The following SKAP2 variants were observed in gnomAD, a reference collection of about 807,000 sequenced individuals.
SKAP2 encodes the protein src kinase associated phosphoprotein 2, also known as src kinase-associated phosphoprotein 2.
Under a neutral mutation model 54.9 loss-of-function variants are expected in SKAP2, and 28 were observed. The observed-to-expected ratio is 0.51, with a 90% CI of 0.38 to 0.70. The LOEUF is 0.70. Among genes scored for constraint, SKAP2 ranks in the 30% least tolerant of loss-of-function variants. SKAP2 has a pLI of 0.00. For synonymous variants in SKAP2, 137 were observed against 134.3 expected, an observed-to-expected ratio of 1.02 and a Z score of -0.14; for missense variants, 356 against 424.1, an observed-to-expected ratio of 0.84 and a Z score of 1.41.
chr7:26,714,141 G>A (rs1336266485), intron 9 of SKAP2, among the ~76,000 whole-genome samples: 1 of 152,108 alleles, frequency 6.6e-6, no homozygotes, highest in Non-Finnish European at 1.5e-5. Context: ...AGAGACAACA[G>A]GAACAAAGGG....
At chr7:26,677,316 C>T (rs766190143) in intron 11 of SKAP2, among the ~76,000 whole-genome samples, 19 of 150,686 alleles carry the variant, frequency 1.3e-4, no homozygotes, top group East Asian at 3.9e-4. Flanking sequence ...TGCTTGAACC[C>T]GGGAGGCAGA....
intron 4 of SKAP2, among the ~76,000 whole-genome samples, chr7:26,772,824 A>C (rs184628187): frequency 1.4e-4 from 22 of 152,322 alleles, no homozygotes; most frequent in Admixed American, 1.4e-3. Context: ...ATAAAATATC[A>C]CTTTAGAGTT....
At chr7:26,756,793 C>A (rs954837026) in intron 4 of SKAP2, among the ~76,000 whole-genome samples, 1 of 152,208 alleles carries the variant, frequency 6.6e-6, no homozygotes, top group East Asian at 1.9e-4. Flanking sequence ...TACAGTCCCA[C>A]CAACAGTGTA....
At chr7:26,847,934 T>G (rs1236240480) in intron 3 of SKAP2, 1 of 152,188 alleles carries the variant, frequency 6.6e-6, no homozygotes, top group African/African-American at 2.4e-5. Context: ...ATCCCACAAC[T>G]TTCAAAAGTT....
At chr7:26,778,338 T>C (rs1783357645) in intron 4 of SKAP2, among the ~76,000 whole-genome samples, 1 of 152,078 alleles carries the variant, frequency 6.6e-6, no homozygotes, top group Non-Finnish European at 1.5e-5. Context: ...AATCTCAATT[T>C]GATGACTAAA....
At chr7:26,814,070 G>A (rs1482994513) in intron 4 of SKAP2, among the ~76,000 whole-genome samples, 2 of 152,048 alleles carry the variant, frequency 1.3e-5, no homozygotes, top group Non-Finnish European at 2.9e-5. Context: ...ATCAAACGAT[G>A]CTACTCTATA....
intron 4 of SKAP2, among the ~76,000 whole-genome samples, chr7:26,787,852 A>G (rs1256532458): frequency 1.3e-5 from 2 of 152,050 alleles, no homozygotes; most frequent in Non-Finnish European, 2.9e-5. Context: ...AGCGGGGATT[A>G]CATTTCTTTT....
chr7:26,846,692 A>G (rs1468878713), intron 3 of SKAP2, among the ~76,000 whole-genome samples: 4 of 152,150 alleles, frequency 2.6e-5, no homozygotes, highest in Non-Finnish European at 5.9e-5. Context: ...TTTTATTTTA[A>G]AAAATAGACC....
chr7:26,857,908 G>T (rs1785206481), intron 1 of SKAP2: 1 of 172,564 alleles, frequency 5.8e-6, no homozygotes, highest in Admixed American at 6.5e-5. Context: ...AAGAGCGTTA[G>T]CCTTCTTCTA....
At chr7:26,690,689 G>A (rs1406015883) in intron 9 of SKAP2, among the ~76,000 whole-genome samples, 2 of 152,034 alleles carry the variant, frequency 1.3e-5, no homozygotes, top group Admixed American at 1.3e-4. Context: ...TGCATGTTTT[G>A]TTTTAAATAC....
chr7:26,831,987 C>T (rs1343188742), intron 4 of SKAP2, among the ~76,000 whole-genome samples: 2 of 152,086 alleles, frequency 1.3e-5, no homozygotes, highest in East Asian at 3.9e-4. Context: ...TCCCTCATTC[C>T]CTTAACTTAT....
At chr7:26,819,860 A>G (rs1389112817) in intron 4 of SKAP2, among the ~76,000 whole-genome samples, 1 of 152,218 alleles carries the variant, frequency 6.6e-6, no homozygotes, top group Non-Finnish European at 1.5e-5. Flanking sequence ...AAAATAATCT[A>G]GAAGGAGCAA....
At chr7:26,731,120 C>G (rs1008727557) in intron 6 of SKAP2, among the ~76,000 whole-genome samples, 4 of 152,174 alleles carry the variant, frequency 2.6e-5, no homozygotes, top group African/African-American at 9.7e-5. Flanking sequence ...ACACTGTTTT[C>G]TAAAAAGGTG....
At chr7:26,852,479 A>G (rs1785064671) in intron 3 of SKAP2, among the ~76,000 whole-genome samples, 1 of 152,196 alleles carries the variant, frequency 6.6e-6, no homozygotes, top group Admixed American at 6.5e-5. Context: ...GTGATTAGTT[A>G]ACTCAATACA....
chr7:26,830,938 G>T (rs1469887659), intron 4 of SKAP2, among the ~76,000 whole-genome samples: 1 of 151,776 alleles, frequency 6.6e-6, no homozygotes, highest in African/African-American at 2.4e-5. Flanking sequence ...TTAGTTATGT[G>T]TACTACTTTT....
intron 3 of SKAP2, 79 bp from the exon 4 acceptor site, chr7:26,844,216 A>G: frequency 3.6e-6 from 3 of 842,890 alleles, no homozygotes; most frequent in Non-Finnish European, 5.8e-6. Flanking sequence ...TGTTAATGTT[A>G]CTTTGTTAGA....
chr7:26,855,523 T>A (rs1785143743), intron 1 of SKAP2, among the ~76,000 whole-genome samples: 2 of 152,140 alleles, frequency 1.3e-5, no homozygotes, highest in Admixed American at 6.5e-5. Flanking sequence ...GAGCTCTTGC[T>A]TCTTGCCTTG....
chr7:26,787,704 G>T (rs769443052), intron 4 of SKAP2, among the ~76,000 whole-genome samples: 1 of 152,006 alleles, frequency 6.6e-6, no homozygotes, highest in African/African-American at 2.4e-5. Flanking sequence ...AAGAGGGAGG[G>T]GGAGGTGCCA....
At chr7:26,694,003 C>T (rs1442120530) in intron 9 of SKAP2, among the ~76,000 whole-genome samples, 4 of 151,990 alleles carry the variant, frequency 2.6e-5, no homozygotes, top group African/African-American at 7.2e-5. Context: ...TTAACATATT[C>T]ATTTATTAAT....
Sources: allele counts gnomAD v4.1 joint callset (sites outside exome capture counted in the v4.1 genomes callset), GRCh38; gene constraint gnomAD v4.1.1; transcripts MANE v1.5; gene names NCBI Gene and HGNC (gene_info 2026-07-23, HGNC 2026-07-21).